RIC1: variants seen among roughly 807,000 people sequenced by gnomAD.
RIC1 encodes RIC1 partner of RAB6A GEF complex.
In RIC1, 88 loss-of-function variants were observed where a neutral mutation model predicts 169.0. The observed-to-expected ratio is 0.52, with a 90% CI of 0.44 to 0.62. The LOEUF (loss-of-function observed/expected upper bound fraction) is 0.62, where lower values mean the gene tolerates loss of function less well. Ranked by LOEUF, RIC1 falls within the 20% of genes least tolerant of loss-of-function variation. RIC1 has a pLI of 0.00. For synonymous variants in RIC1, 790 were observed against 601.5 expected, an observed-to-expected ratio of 1.31 and a Z score of -4.59; for missense variants, 1,877 against 1,725.5, an observed-to-expected ratio of 1.09 and a Z score of -1.56.
chr9:5,649,718 T>C (rs1818700673), intron 1 of RIC1, among the ~76,000 whole-genome samples: 1 of 148,914 alleles, frequency 6.7e-6, no homozygotes. Context: ...TTGTGTTCCT[T>C]TGGAGATGTC....
intron 1 of RIC1, among the ~76,000 whole-genome samples, chr9:5,646,817 A>G (rs1214436071): frequency 6.6e-6 from 1 of 152,172 alleles, no homozygotes; most frequent in East Asian, 1.9e-4. Flanking sequence ...AATTTTGATG[A>G]AGTCTGTCTT....
intron 1 of RIC1, among the ~76,000 whole-genome samples, chr9:5,649,391 T>A (rs951169094): frequency 6.6e-6 from 1 of 152,154 alleles, no homozygotes; most frequent in Non-Finnish European, 1.5e-5. Flanking sequence ...TTCATTCTTA[T>A]TTATTCTTGT....
chr9:5,648,701 C>G, intron 1 of RIC1, among the ~76,000 whole-genome samples: 1 of 152,064 alleles, frequency 6.6e-6, no homozygotes, highest in Non-Finnish European at 1.5e-5. Flanking sequence ...TTAATAATTG[C>G]TATTCTAACT....
intron 3 of RIC1, among the ~76,000 whole-genome samples, chr9:5,711,717 C>T (rs1332197385): frequency 6.6e-6 from 1 of 152,056 alleles, no homozygotes; most frequent in Non-Finnish European, 1.5e-5. Context: ...TAATGCTATC[C>T]CTCCCTGCTG....
At chr9:5,640,702 G>C (rs966858158) in intron 1 of RIC1, among the ~76,000 whole-genome samples, 1 of 152,170 alleles carries the variant, frequency 6.6e-6, no homozygotes, top group African/African-American at 2.4e-5. Context: ...TGTACCTTCT[G>C]ATGGTTTCTT....
chr9:5,729,953 T>C (rs1824260543), intron 6 of RIC1, among the ~76,000 whole-genome samples: 1 of 152,196 alleles, frequency 6.6e-6, no homozygotes, highest in Admixed American at 6.5e-5. Context: ...GATTGACTCT[T>C]TTCCAAGTAC....
At chr9:5,713,052 G>A (rs1586998442) in intron 3 of RIC1, 1 of 152,184 alleles carries the variant, frequency 6.6e-6, no homozygotes, top group Non-Finnish European at 1.5e-5. Flanking sequence ...AACTTTGAAA[G>A]CTATTGGACT....
intron 3 of RIC1, among the ~76,000 whole-genome samples, chr9:5,693,468 G>A (rs1821704440): frequency 3.3e-5 from 5 of 152,108 alleles, no homozygotes; most frequent in Admixed American, 3.3e-4. Context: ...AAGTGACTCT[G>A]TACCTCAAAG....
chr9:5,689,394 A>T (rs1455444953), intron 2 of RIC1, among the ~76,000 whole-genome samples: 1 of 152,180 alleles, frequency 6.6e-6, no homozygotes, highest in Admixed American at 6.5e-5. Context: ...TAGAAAAATG[A>T]ACTAGCTGAT....
At chr9:5,769,434 A>G (rs1212524222) in intron 22 of RIC1, 178 bp downstream of exon 22, 3 of 1,522,734 alleles carry the variant, frequency 2.0e-6, no homozygotes, top group Non-Finnish European at 2.6e-6. Flanking sequence ...GATGTAAATA[A>G]AGTAGAACCT....
At chr9:5,712,918 T>C (rs1025952707) in intron 3 of RIC1, 1 of 152,142 alleles carries the variant, frequency 6.6e-6, no homozygotes, top group East Asian at 1.9e-4. Flanking sequence ...AGTAGCAGGA[T>C]AGAATGGTAA....
intron 15 of RIC1, 45 bp downstream of exon 15, chr9:5,754,975 C>G: frequency 8.2e-7 from 1 of 1,225,212 alleles, no homozygotes; most frequent in Non-Finnish European, 1.1e-6. Flanking sequence ...TATTTTAAAG[C>G]TATTAAGCAT....
At chr9:5,641,604 C>G (rs1265041568) in intron 1 of RIC1, among the ~76,000 whole-genome samples, 1 of 151,854 alleles carries the variant, frequency 6.6e-6, no homozygotes, top group East Asian at 1.9e-4. Flanking sequence ...TCACTGTTTT[C>G]TATTCTTTTT....
rs775680157 is a variant in RIC1 at position 5,732,492 on chromosome 9, T to C, written c.812+13T>C. 1.3e-6 allele frequency: 2 copies of C among 1,555,508 alleles called. No homozygotes were observed. Among genetic ancestry groups the C allele is most frequent in the Non-Finnish European group, 1.7e-6 (2 of 1,145,112 alleles). On this transcript the variant is annotated intron_variant, in intron 7 of 25. Transcript: ENST00000414202. ...TTGGCTGTGTGAGGTATAATTGATG[T>C]AGGCTTTTGCATTTTTAAGAGTTGT...
At chr9:5,634,900 T>A (rs1817895700) in intron 1 of RIC1, among the ~76,000 whole-genome samples, 1 of 152,194 alleles carries the variant, frequency 6.6e-6, no homozygotes, top group Admixed American at 6.5e-5. Context: ...GGGTACATAG[T>A]AGATCTGTGT....
chr9:5,726,746 T>C (rs1024865526), intron 6 of RIC1, among the ~76,000 whole-genome samples: 1 of 152,216 alleles, frequency 6.6e-6, no homozygotes, highest in Non-Finnish European at 1.5e-5. Context: ...TAAGGCAGGC[T>C]TGGTGGTGAC....
Position 5,743,730 on chromosome 9 carries a change from A to C in RIC1, c.1088A>C (p.Asn363Thr). ...ACCAAAAAAGATCCCCTTAAGATCAACTCTATGGTAAGTACTTTCTATAAA... is the reference window on the plus strand; with the variant it reads ...ACCAAAAAAGATCCCCTTAAGATCACCTCTATGGTAAGTACTTTCTATAAA... The part of the protein sequence containing the change: ...DGTKKDPLKI[N>T]SMSWGAEGYH... Residue 363 changes from asparagine to threonine, a missense_variant, in exon 10 of 26, where the codon AAC becomes ACC. Around this residue, in one of 3 missense-constraint regions of RIC1, gnomAD observed 1,104 missense variants for 992.0 expected, o/e 1.11. Transcript: ENST00000414202. 6.2e-7 allele frequency: 1 copy of C among 1,607,924 alleles called. No individual in the cohort carries two copies. The highest frequency in any genetic ancestry group is 1.3e-5 in the African/African-American group (1 of 74,754).
chr9:5,711,788 A>C (rs576209364), intron 3 of RIC1, among the ~76,000 whole-genome samples: 1 of 152,048 alleles, frequency 6.6e-6, no homozygotes, highest in African/African-American at 2.4e-5. Flanking sequence ...AAGTGTTCTC[A>C]TTGTTCAATT....
chr9:5,687,397 C>G (rs978038170), intron 2 of RIC1, among the ~76,000 whole-genome samples: 3 of 152,252 alleles, frequency 2.0e-5, no homozygotes, highest in Middle Eastern at 6.8e-3. Flanking sequence ...ATTTCGTTTG[C>G]TCTAGTTTAA....
Sources: gnomAD v4.1 joint callset for allele counts (sites outside exome capture counted in the v4.1 genomes callset) on GRCh38, gnomAD v4.1.1 for gene constraint, gnomAD v4.1.1 regional missense constraint, MANE v1.5 for transcripts, NCBI Gene and HGNC (gene_info 2026-07-23, HGNC 2026-07-21) for gene names.